Variants in SCN2A observed in about 807,000 individuals in gnomAD.
SCN2A encodes sodium voltage-gated channel alpha subunit 2.
Under a neutral mutation model 188.7 loss-of-function variants are expected in SCN2A, and 20 were observed. The ratio of observed to expected loss-of-function variants is 0.11; its 90% CI spans 0.07 to 0.15. The LOEUF (loss-of-function observed/expected upper bound fraction) is 0.15, where lower values mean the gene tolerates loss of function less well. SCN2A is among the 10% of genes least tolerant of loss of function. The probability of loss-of-function intolerance (pLI) is 1.00; values close to 1 mark genes in which losing one functional copy is unlikely to be tolerated. For missense variants in SCN2A, 1,278 were observed against 2,445.0 expected (o/e 0.52, Z 10.07); for synonymous variants, 804 against 833.1 (o/e 0.97, Z 0.60).
intron 1 of SCN2A, among the ~76,000 whole-genome samples, chr2:165,258,047 C>G (rs79592394): frequency 0.044 from 6,674 of 151,956 alleles, 190 homozygotes; most frequent in East Asian, 0.094. Flanking sequence ...GTTTAAATTA[C>G]TGATAGATTC....
At position 165,374,738 on chromosome 2, in the gene SCN2A, G is replaced by T. The variant is rs1306091650; in HGVS notation, c.4026G>T (p.Leu1342=). ...GAIPSIMNVL[L]VCLIFWLIFS... is the part of the protein sequence containing the mutation. ...TTCCATCTATCATGAATGTACTTCTGGTTTGTCTGATCTTTTGGCTAATAT... is the reference window on the plus strand; with the variant it reads ...TTCCATCTATCATGAATGTACTTCTTGTTTGTCTGATCTTTTGGCTAATAT... The change falls in exon 22 of 27, where the codon CTG becomes CTT. Residue 1342 remains leucine (L), a synonymous_variant. Transcript: ENST00000375437. 6.2e-7 allele frequency: 1 copy of T among 1,613,270 alleles called. No homozygotes were observed. Among genetic ancestry groups the T allele is most frequent in the Admixed American group, 1.7e-5 (1 of 59,904 alleles).
At chr2:165,291,778 A>G (rs1280131818) in intron 1 of SCN2A, among the ~76,000 whole-genome samples, 1 of 151,602 alleles carries the variant, frequency 6.6e-6, no homozygotes, top group African/African-American at 2.4e-5. Flanking sequence ...ATGCTTCTGT[A>G]CCACAATGAT....
At chr2:165,308,628 A>C (rs1416502255) in intron 4 of SCN2A, 38 bp from the exon 5 acceptor site, 1 of 1,602,948 alleles carries the variant, frequency 6.2e-7, no homozygotes. Context: ...TAAATTAACC[A>C]CTAGATTTTT....
chr2:165,379,109 T>C (rs1244126732), intron 23 of SCN2A, among the ~76,000 whole-genome samples: 2 of 151,850 alleles, frequency 1.3e-5, no homozygotes, highest in Non-Finnish European at 2.9e-5. Context: ...TTGAACAACG[T>C]ATCCTAAAGA....
chr2:165,366,614 T>A (rs1700739099), intron 18 of SCN2A, among the ~76,000 whole-genome samples: 1 of 149,218 alleles, frequency 6.7e-6, no homozygotes, highest in African/African-American at 2.5e-5. Flanking sequence ...CTTGGGAGGC[T>A]GAGGCAGGAG....
intron 19 of SCN2A, among the ~76,000 whole-genome samples, chr2:165,368,792 A>C (rs988131467): frequency 6.6e-6 from 1 of 152,104 alleles, no homozygotes; most frequent in African/African-American, 2.4e-5. Context: ...GTGTTTGGTG[A>C]GTTGATTTCA....
chr2:165,312,150 A>G (rs186838716), intron 8 of SCN2A, 62 bp downstream of exon 8: 2 of 1,204,164 alleles, frequency 1.7e-6, no homozygotes, highest in East Asian at 2.3e-5. Flanking sequence ...ATAACCTGCC[A>G]CCTCCCACTC....
intron 1 of SCN2A, chr2:165,285,636 C>A: frequency 3.9e-6 from 1 of 253,412 alleles, no homozygotes; most frequent in South Asian, 6.7e-5. Flanking sequence ...CGGACAAGGT[C>A]AAGAAACTGA....
At chr2:165,293,919 A>AT (rs1306334717) in intron 1 of SCN2A, 5 of 965,958 alleles carry the variant, frequency 5.2e-6, no homozygotes, top group Non-Finnish European at 6.1e-6. Flanking sequence ...CAATAATGCC[A>AT]TTTTGTAGTC....
chr2:165,273,126 C>G (rs1440550131), intron 1 of SCN2A: 1 of 152,020 alleles, frequency 6.6e-6, no homozygotes, highest in East Asian at 1.9e-4. Flanking sequence ...AACATTTTGG[C>G]AATTTTCTCT....
At chr2:165,316,428 T>G (rs933564656) in intron 11 of SCN2A, among the ~76,000 whole-genome samples, 2 of 152,206 alleles carry the variant, frequency 1.3e-5, no homozygotes, top group Non-Finnish European at 2.9e-5. Context: ...TTTGTACTCA[T>G]GCAAGTTGTT....
At chr2:165,318,179 T>G (rs1697867050) in intron 11 of SCN2A, among the ~76,000 whole-genome samples, 1 of 152,220 alleles carries the variant, frequency 6.6e-6, no homozygotes, top group Non-Finnish European at 1.5e-5. Context: ...GTGTTTGTAT[T>G]GAAAAACTAT....
rs1697226055 is a variant in SCN2A, at chr2:165,307,935, G to A, written c.474G>A (p.Val158=). The A allele has an allele frequency of 6.3e-6, 10 of 1,593,000 alleles. No individual in the cohort carries two copies. The highest frequency in any genetic ancestry group is 8.6e-6 in the Non-Finnish European group (10 of 1,161,094). The change falls in exon 4 of 27, where the codon GTG becomes GTA. Residue 158 remains valine (V), a splice_region_variant and synonymous_variant. Transcript: ENST00000375437. ...ACCCTCCAGACTGGACAAAGAATGT[G>A]GAGTAAGTATAAATATTTTTCAATA... The part of the protein sequence containing the change: ...MSNPPDWTKN[V]EYTFTGIYTF...
intron 11 of SCN2A, among the ~76,000 whole-genome samples, chr2:165,321,132 C>T (rs1209600618): frequency 6.6e-6 from 1 of 152,198 alleles, no homozygotes; most frequent in African/African-American, 2.4e-5. Context: ...CTCCCAAGTT[C>T]AAAGTTCCAC....
At chr2:165,305,948 A>C (rs1400758455) in intron 3 of SCN2A, among the ~76,000 whole-genome samples, 1 of 152,104 alleles carries the variant, frequency 6.6e-6, no homozygotes, top group Non-Finnish European at 1.5e-5. Flanking sequence ...AAAGCCAGTA[A>C]GGTGGGAGCC....
intron 13 of SCN2A, among the ~76,000 whole-genome samples, chr2:165,329,271 A>G (rs1478577628): frequency 6.6e-6 from 1 of 152,178 alleles, no homozygotes; most frequent in Non-Finnish European, 1.5e-5. Flanking sequence ...TTAAAAGTGC[A>G]AAATCACATA....
chr2:165,319,842 A>G (rs2105269322), intron 11 of SCN2A, among the ~76,000 whole-genome samples: 1 of 152,314 alleles, frequency 6.6e-6, no homozygotes, highest in East Asian at 1.9e-4. Flanking sequence ...ATATAACTCA[A>G]GATGAGATCT....
intron 26 of SCN2A, among the ~76,000 whole-genome samples, chr2:165,388,164 C>T (rs1248791178): frequency 6.6e-6 from 1 of 152,098 alleles, no homozygotes; most frequent in Admixed American, 6.6e-5. Context: ...GTACATCTGT[C>T]TCCAAAGCCT....
chr2:165,322,907 G>C (rs1374394306), intron 11 of SCN2A, among the ~76,000 whole-genome samples: 2 of 152,186 alleles, frequency 1.3e-5, no homozygotes, highest in Non-Finnish European at 2.9e-5. Context: ...GGTAAAGTAG[G>C]AGAAAAGAGA....
Sources: allele counts gnomAD v4.1 joint callset (sites outside exome capture counted in the v4.1 genomes callset), GRCh38; gene constraint gnomAD v4.1.1; transcripts MANE v1.5; gene names NCBI Gene and HGNC (gene_info 2026-07-23, HGNC 2026-07-21).